Variants in IFNGR1 observed in about 807,000 individuals in gnomAD.
IFNGR1 encodes the protein interferon gamma receptor 1.
A neutral mutation model predicts 35.4 loss-of-function variants in IFNGR1; 23 were observed. The observed-to-expected ratio is 0.65, with a 90% CI of 0.47 to 0.92. The LOEUF (loss-of-function observed/expected upper bound fraction) is 0.92. Ranked by LOEUF, IFNGR1 falls within the 40% of genes least tolerant of loss-of-function variation. The pLI is 0.00. For synonymous variants in IFNGR1, 199 were observed against 209.5 expected (o/e 0.95, Z 0.43); for missense variants, 533 against 583.4 (o/e 0.91, Z 0.89).
Position 137,197,850 on chromosome 6 carries a change from A to T in IFNGR1, c.*181T>A. The T allele has an allele frequency of 1.4e-6, 1 of 711,650 alleles. No homozygotes were observed. The highest frequency in any genetic ancestry group is 2.3e-6 in the Non-Finnish European group (1 of 444,410). 44.1% of individuals were successfully genotyped at this position (711,650 alleles called of 1,614,324 possible). A position where few individuals can be genotyped will look rare whatever the true frequency, so the allele number is the denominator to read the frequency against. On this transcript the variant is annotated 3_prime_UTR_variant, in exon 7 of 7. Coordinates refer to ENST00000367739, the MANE Select transcript of IFNGR1 (RefSeq NM_000416.3). ...TGTTTAAAAAAAAAAAAAAGTCTGTACTTTACAAGCCAAAAGTGAAAATGC... is the reference window on the plus strand; with the variant it reads ...TGTTTAAAAAAAAAAAAAAGTCTGTTCTTTACAAGCCAAAAGTGAAAATGC...
chr6:137,199,530 TATATAATATATA>T lies in IFNGR1; in HGVS notation c.862-903_862-892del, dbSNP rs1175943950. On this transcript the variant is annotated intron_variant, in intron 6 of 6. Coordinates refer to ENST00000367739, the MANE Select transcript of IFNGR1 (RefSeq NM_000416.3). ...ATAATTTATAATATATTATATATAA[TATATAATATATA>T]TTATATAACATATAAAATATATATA... is the stretch of plus-strand genomic sequence containing the variant. Among the ~76,000 whole-genome samples the T allele has an allele frequency of 7.1e-4, 70 of 98,972 alleles. 5 individuals carry two copies. Among genetic ancestry groups the T allele is most frequent in the African/African-American group, 2.8e-3 (70 of 24,918 alleles). 64.9% of individuals were successfully genotyped at this position (98,972 alleles called of 152,430 possible).
In IFNGR1 at chr6:137,201,019, G is replaced by A. The variant is rs1326945666; in HGVS notation, c.734-11C>T. On this transcript the variant is annotated splice_polypyrimidine_tract_variant and intron_variant, in intron 5 of 6. Coordinates refer to ENST00000367739, the MANE Select transcript of IFNGR1 (RefSeq NM_000416.3). Reference sequence around the variant, plus strand: ...GAATCCAAAGAGAACCTTAAAAAAGGCAGAAATCACAAGTTACAATTAAGA... The same window carrying A: ...GAATCCAAAGAGAACCTTAAAAAAGACAGAAATCACAAGTTACAATTAAGA... 1 of 1,612,650 alleles carries A rather than the reference G, an allele frequency of 6.2e-7. No individual in the cohort carries two copies. The highest frequency in any genetic ancestry group is 1.7e-5 in the Admixed American group (1 of 59,994).
In IFNGR1 at chr6:137,198,013, G is replaced by T. The variant is rs774991658; in HGVS notation, c.*18C>A. The T allele has an allele frequency of 1.2e-6, 2 of 1,613,540 alleles. No homozygotes were observed. The highest frequency in any genetic ancestry group is 2.7e-5 in the African/African-American group (2 of 74,878). ...TCCAGGAAAATCAGACTTCAAAGTT[G>T]GTGCAACTTAGCTGATCTCATGAAA... On this transcript the variant is annotated 3_prime_UTR_variant, in exon 7 of 7. Transcript: ENST00000367739.
intron 6 of IFNGR1, among the ~76,000 whole-genome samples, chr6:137,200,538 C>G (rs1273571516): frequency 6.6e-6 from 1 of 152,140 alleles, no homozygotes; most frequent in Non-Finnish European, 1.5e-5. Flanking sequence ...CATGACTAAC[C>G]CCACCCCAAA....
Position 137,203,555 on chromosome 6 carries a change from A to G in IFNGR1, c.677T>C (p.Val226Ala). ...AACTTCTTTTGACTTTTCAGTTGTA[A>G]CACCCCACACATGTAAGACTCCTTC... ...SAEGVLHVWGVTTEKSKEVCI... is the reference protein window; with the variant it reads ...SAEGVLHVWGATTEKSKEVCI... The change falls in exon 5 of 7, where the codon GTT becomes GCT. Residue 226 changes from valine (V) to alanine (A), a missense_variant. By Grantham distance (64) the Val-to-Ala change is moderately conservative. Transcript: ENST00000367739. 1 of 1,613,448 alleles carries G rather than the reference A, an allele frequency of 6.2e-7. No individual in the cohort carries two copies. The highest frequency in any genetic ancestry group is 8.5e-7 in the Non-Finnish European group (1 of 1,179,442).
At chr6:137,205,839 T>C (rs1037780109) in intron 3 of IFNGR1, among the ~76,000 whole-genome samples, 2 of 152,178 alleles carry the variant, frequency 1.3e-5, no homozygotes, top group East Asian at 1.9e-4. Context: ...AGTTTTTTTT[T>C]CTGGATTCTG....
chr6:137,203,751 C>A (rs771691334), intron 4 of IFNGR1, 66 bp from the exon 5 acceptor site: 2 of 1,171,068 alleles, frequency 1.7e-6, no homozygotes. Context: ...AAAAAAATCA[C>A]CATATTAGTC....
chr6:137,216,562 C>G (rs1022027129), intron 1 of IFNGR1, among the ~76,000 whole-genome samples: 1 of 152,148 alleles, frequency 6.6e-6, no homozygotes, highest in Admixed American at 6.6e-5. Flanking sequence ...CTGTTCTTAC[C>G]AGGTCCTCTC....
At chr6:137,207,717 C>T (rs2114492886) in intron 1 of IFNGR1, among the ~76,000 whole-genome samples, 1 of 152,306 alleles carries the variant, frequency 6.6e-6, no homozygotes, top group South Asian at 2.1e-4. Flanking sequence ...GAGGCCTCTC[C>T]AACCATGTGG....
intron 1 of IFNGR1, chr6:137,215,256 G>A: frequency 1.9e-6 from 3 of 1,545,542 alleles, no homozygotes; most frequent in Non-Finnish European, 2.6e-6. Flanking sequence ...ATAAAATAAG[G>A]GGTAAATTAC....
In IFNGR1 at chr6:137,203,565, C is replaced by T; in HGVS notation, c.667G>A (p.Val223Met). ...GACTTTTCAGTTGTAACACCCCACACATGTAAGACTCCTTCTGCTGAAACA... is the reference window on the plus strand; with the variant it reads ...GACTTTTCAGTTGTAACACCCCACATATGTAAGACTCCTTCTGCTGAAACA... Reference protein sequence around the residue: ...YCVSAEGVLHVWGVTTEKSKE... With the variant: ...YCVSAEGVLHMWGVTTEKSKE... The change falls in exon 5 of 7, where the codon GTG (valine) becomes ATG (methionine). Residue 223 changes from valine (V) to methionine (M), a missense_variant. Physicochemically the swap from Val to Met is conservative, Grantham distance 21. Coordinates refer to ENST00000367739, the MANE Select transcript of IFNGR1 (RefSeq NM_000416.3). 1 of 1,613,566 alleles carries T rather than the reference C, an allele frequency of 6.2e-7. No individual in the cohort carries two copies. The highest frequency in any genetic ancestry group is 8.5e-7 in the Non-Finnish European group (1 of 1,179,560).
At chr6:137,199,620 A>T (rs1456916943) in intron 6 of IFNGR1, among the ~76,000 whole-genome samples, 3 of 128,262 alleles carry the variant, frequency 2.3e-5, no homozygotes, top group Non-Finnish European at 3.2e-5. Flanking sequence ...ATTTGGTATT[A>T]TATATATATC....
intron 5 of IFNGR1, among the ~76,000 whole-genome samples, chr6:137,201,991 A>G (rs1270009236): frequency 2.7e-5 from 4 of 149,374 alleles, no homozygotes; most frequent in Non-Finnish European, 5.9e-5. Flanking sequence ...TTTTTTTTTC[A>G]TAGTTCTCTC....
At chr6:137,199,308 A>G (rs981120889) in intron 6 of IFNGR1, among the ~76,000 whole-genome samples, 3 of 133,182 alleles carry the variant, frequency 2.3e-5, no homozygotes, top group Non-Finnish European at 3.1e-5. Flanking sequence ...TAATTAATAT[A>G]TATTATATAA....
rs756766995 is a variant in IFNGR1, at chr6:137,198,453, A to G, written c.1048T>C (p.Ser350Pro). ...PGKVEHTEEL[S>P]SITEVVTTEE... is the part of the protein sequence containing the mutation. ...GTAGTCACCACTTCTGTTATACTAGAAAGTTCTTCTGTATGTTCCACTTTT... is the reference window on the plus strand; with the variant it reads ...GTAGTCACCACTTCTGTTATACTAGGAAGTTCTTCTGTATGTTCCACTTTT... The change falls in exon 7 of 7, where the codon TCT (serine) becomes CCT (proline). Residue 350 changes from serine (S) to proline (P), a missense_variant. Coordinates refer to ENST00000367739, the MANE Select transcript of IFNGR1 (RefSeq NM_000416.3). 3 of 1,614,162 alleles carry G rather than the reference A, an allele frequency of 1.9e-6. No homozygotes were observed. In the Admixed American group the frequency reaches 5.0e-5, roughly 27 times the overall value.
At chr6:137,199,132 T>C (rs1388630363) in intron 6 of IFNGR1, among the ~76,000 whole-genome samples, 2 of 151,720 alleles carry the variant, frequency 1.3e-5, no homozygotes, top group African/African-American at 4.8e-5. Flanking sequence ...TGCTGAATGC[T>C]TCCTGCCCTT....
chr6:137,219,196 T>TCCCTCTCGTCCCGACCCGGC (rs1213546555), intron 1 of IFNGR1, 47 bp downstream of exon 1: 21 of 1,565,432 alleles, frequency 1.3e-5, no homozygotes, highest in Non-Finnish European at 1.8e-5. Flanking sequence ...GATCCCTCCC[T>TCCCTCTCGTCCCGACCCGGC]CCCTCTCGTC....
At chr6:137,205,526 T>C (rs933304987) in intron 3 of IFNGR1, among the ~76,000 whole-genome samples, 6 of 152,214 alleles carry the variant, frequency 3.9e-5, no homozygotes, top group Non-Finnish European at 4.4e-5. Context: ...AACTCTGCAA[T>C]TTTTTAATGT....
intron 3 of IFNGR1, among the ~76,000 whole-genome samples, chr6:137,205,684 T>C (rs1266586275): frequency 2.0e-5 from 3 of 152,104 alleles, no homozygotes; most frequent in East Asian, 3.9e-4. Context: ...CCCATAATTG[T>C]ATGAAGTGGA....
Sources: gnomAD v4.1 joint callset for allele counts (sites outside exome capture counted in the v4.1 genomes callset) on GRCh38, gnomAD v4.1.1 for gene constraint, MANE v1.5 for transcripts, NCBI Gene and HGNC (gene_info 2026-07-23, HGNC 2026-07-21) for gene names.